Variants in SMYD3 observed in about 807,000 individuals in gnomAD.
The protein encoded by SMYD3 is SET and MYND domain containing 3, also known as histone-lysine N-methyltransferase SMYD3.
A neutral mutation model predicts 57.7 loss-of-function variants in SMYD3; 36 were observed. That is an observed-to-expected ratio of 0.62 (90% CI 0.48 to 0.82). The LOEUF (loss-of-function observed/expected upper bound fraction) is 0.82. SMYD3 is among the 40% of genes least tolerant of loss of function. The pLI, the probability that SMYD3 is intolerant of heterozygous loss-of-function variation, is 0.00. For synonymous variants in SMYD3, 211 were observed against 195.0 expected, an observed-to-expected ratio of 1.08 and a Z score of -0.68; for missense variants, 515 against 538.8, an observed-to-expected ratio of 0.96 and a Z score of 0.44.
intron 10 of SMYD3, among the ~76,000 whole-genome samples, chr1:245,854,668 C>T (rs1404237859): frequency 6.6e-6 from 1 of 151,998 alleles, no homozygotes; most frequent in Non-Finnish European, 1.5e-5. Flanking sequence ...TCTCTAATCC[C>T]CACTCCTCCA....
intron 5 of SMYD3, among the ~76,000 whole-genome samples, chr1:246,053,638 C>G (rs147104433): frequency 6.6e-6 from 1 of 152,162 alleles, no homozygotes; most frequent in East Asian, 1.9e-4. Flanking sequence ...TATGCCATAA[C>G]ATATTCAAAA....
chr1:246,364,567 C>T (rs920073218), intron 1 of SMYD3, among the ~76,000 whole-genome samples: 5 of 152,074 alleles, frequency 3.3e-5, no homozygotes, highest in African/African-American at 4.8e-5. Flanking sequence ...AGGCATCACA[C>T]CATAAAGTGA....
intron 8 of SMYD3, among the ~76,000 whole-genome samples, chr1:245,889,484 A>T (rs1187538125): frequency 6.6e-6 from 1 of 152,176 alleles, no homozygotes; most frequent in Non-Finnish European, 1.5e-5. Context: ...TGACCACTGA[A>T]GAGGTCTGTT....
intron 5 of SMYD3, among the ~76,000 whole-genome samples, chr1:246,192,847 T>C (rs1375374196): frequency 7.2e-5 from 11 of 152,148 alleles, no homozygotes; most frequent in African/African-American, 2.4e-4. Flanking sequence ...CTGGGATCTT[T>C]ACATTTTCTT....
At chr1:245,944,315 A>T (rs762383264) in intron 5 of SMYD3, among the ~76,000 whole-genome samples, 23 of 152,322 alleles carry the variant, frequency 1.5e-4, no homozygotes, top group Middle Eastern at 3.4e-3. Context: ...AAAAAAATCA[A>T]TGTGCAAAAA....
intron 5 of SMYD3, among the ~76,000 whole-genome samples, chr1:246,037,501 A>G (rs574510594): frequency 6.6e-6 from 1 of 152,276 alleles, no homozygotes; most frequent in Non-Finnish European, 1.5e-5. Context: ...TATCTTTCCC[A>G]TTTCCATCCT....
At chr1:246,189,406 G>A (rs2062697312) in intron 5 of SMYD3, among the ~76,000 whole-genome samples, 1 of 152,156 alleles carries the variant, frequency 6.6e-6, no homozygotes, top group African/African-American at 2.4e-5. Context: ...TTCCATATTG[G>A]AGCATGACTG....
intron 10 of SMYD3, among the ~76,000 whole-genome samples, chr1:245,824,979 C>T (rs934986063): frequency 5.3e-5 from 8 of 152,064 alleles, no homozygotes; most frequent in East Asian, 1.9e-4. Flanking sequence ...TGCAGTCAGC[C>T]GAGATCGTGC....
intron 8 of SMYD3, among the ~76,000 whole-genome samples, chr1:245,896,801 C>T (rs1391847649): frequency 6.6e-6 from 1 of 152,130 alleles, no homozygotes; most frequent in Non-Finnish European, 1.5e-5. Context: ...CACCGGGGCG[C>T]AAGAGGTCCA....
chr1:246,323,397 A>T (rs916687823), intron 5 of SMYD3, among the ~76,000 whole-genome samples: 7 of 152,190 alleles, frequency 4.6e-5, no homozygotes, highest in Admixed American at 6.5e-5. Flanking sequence ...AGGTAAAATT[A>T]AGGCTTACGC....
intron 8 of SMYD3, among the ~76,000 whole-genome samples, chr1:245,894,472 C>T (rs1358276205): frequency 6.6e-6 from 1 of 152,106 alleles, no homozygotes; most frequent in Non-Finnish European, 1.5e-5. Flanking sequence ...ACAATACATC[C>T]TGCTGCTGCT....
intron 5 of SMYD3, among the ~76,000 whole-genome samples, chr1:246,154,308 T>C (rs1279737176): frequency 6.6e-6 from 1 of 152,210 alleles, no homozygotes; most frequent in African/African-American, 2.4e-5. Context: ...AAGTAAGATA[T>C]AAAAGGTGTA....
intron 1 of SMYD3, among the ~76,000 whole-genome samples, chr1:246,502,140 T>G (rs1424644918): frequency 6.6e-6 from 1 of 151,306 alleles, no homozygotes; most frequent in Non-Finnish European, 1.5e-5. Context: ...GCTGCCTTTT[T>G]TTTTTTCTTT....
At chr1:246,354,109 A>G (rs1346593425) in intron 2 of SMYD3, among the ~76,000 whole-genome samples, 1 of 152,248 alleles carries the variant, frequency 6.6e-6, no homozygotes, top group East Asian at 1.9e-4. Context: ...GTGTGTGCAT[A>G]TACAAAACAT....
intron 10 of SMYD3, among the ~76,000 whole-genome samples, chr1:245,806,916 CAAAAAAAAAAAAA>C (rs112012738): frequency 0.012 from 499 of 41,364 alleles, 10 homozygotes; most frequent in African/African-American, 0.03. Context: ...GACTCCGTCT[CAAAAAAAAAAAAA>C]AAAAAAAAAA....
intron 1 of SMYD3, among the ~76,000 whole-genome samples, chr1:246,504,526 T>C (rs149433264): frequency 3.3e-5 from 5 of 152,376 alleles, no homozygotes; most frequent in East Asian, 1.9e-4. Context: ...GCCACTGTCA[T>C]GTATCTGGTC....
chr1:246,474,483 C>T (rs1459703746), intron 1 of SMYD3, among the ~76,000 whole-genome samples: 2 of 136,772 alleles, frequency 1.5e-5, no homozygotes, highest in African/African-American at 5.5e-5. Context: ...TGAGCCACTG[C>T]ACTCCAACCT....
chr1:246,400,351 T>C (rs6668799), intron 1 of SMYD3, among the ~76,000 whole-genome samples: 151,292 of 152,380 alleles, frequency 0.99, 75,117 homozygotes, highest in East Asian at 1. Flanking sequence ...TTCGCAGCTA[T>C]ACCAGCTACT....
chr1:246,190,584 C>CAAAAAAA (rs11302731), intron 5 of SMYD3, among the ~76,000 whole-genome samples: 1 of 63,008 alleles, frequency 1.6e-5, no homozygotes, highest in Non-Finnish European at 2.8e-5. Context: ...GACTCTGTCT[C>CAAAAAAA]AAAAAAAAAA....
Sources: gnomAD v4.1 joint callset for allele counts (sites outside exome capture counted in the v4.1 genomes callset) on GRCh38, gnomAD v4.1.1 for gene constraint, MANE v1.5 for transcripts, NCBI Gene and HGNC (gene_info 2026-07-23, HGNC 2026-07-21) for gene names.